Variants in PTGER3 observed in about 807,000 individuals in gnomAD.
The protein encoded by PTGER3 is prostaglandin E2 receptor EP3 subtype.
A neutral mutation model predicts 34.7 loss-of-function variants in PTGER3; 22 were observed. The ratio of observed to expected loss-of-function variants is 0.63; its 90% confidence interval spans 0.45 to 0.91. PTGER3 has a LOEUF of 0.91. Ranked by LOEUF, PTGER3 falls within the 40% of genes least tolerant of loss-of-function variation. The pLI, the probability that PTGER3 is intolerant of heterozygous loss-of-function variation, is 0.00. For synonymous variants in PTGER3, 241 were observed against 230.1 expected (o/e 1.05, Z -0.43); for missense variants, 468 against 519.4 (o/e 0.90, Z 0.96).
chr1:71,015,549 T>C (rs1313523943), intron 1 of PTGER3, among the ~76,000 whole-genome samples: 2 of 152,234 alleles, frequency 1.3e-5, no homozygotes, highest in African/African-American at 4.8e-5. Flanking sequence ...TTGAAGTAAG[T>C]AAATATTTGA....
intron 4 of PTGER3, among the ~76,000 whole-genome samples, chr1:70,942,717 G>T (rs1317838144): frequency 6.6e-6 from 1 of 152,142 alleles, no homozygotes; most frequent in Non-Finnish European, 1.5e-5. Flanking sequence ...TGCAGACAGG[G>T]CCTTTAAATA....
intron 2 of PTGER3, among the ~76,000 whole-genome samples, chr1:70,959,875 T>C (rs552209270): frequency 6.6e-6 from 1 of 152,216 alleles, no homozygotes; most frequent in East Asian, 1.9e-4. Context: ...CAAATTCATA[T>C]ATTGAAGTCC....
At chr1:70,985,269 T>C (rs1221943046) in intron 2 of PTGER3, among the ~76,000 whole-genome samples, 1 of 152,028 alleles carries the variant, frequency 6.6e-6, no homozygotes, top group Non-Finnish European at 1.5e-5. Flanking sequence ...ACCGCATGCG[T>C]GTGTGGACAT....
At chr1:70,903,439 A>G (rs1646881831) in intron 4 of PTGER3, among the ~76,000 whole-genome samples, 1 of 152,250 alleles carries the variant, frequency 6.6e-6, no homozygotes, top group South Asian at 2.1e-4. Context: ...AAATCTTTGT[A>G]CAGATAATTT....
At chr1:70,900,256 C>G (rs1395336149) in intron 4 of PTGER3, among the ~76,000 whole-genome samples, 1 of 152,168 alleles carries the variant, frequency 6.6e-6, no homozygotes, top group Admixed American at 6.5e-5. Flanking sequence ...GCAAAGCCCC[C>G]AGCTCCTATC....
At chr1:70,863,799 T>C (rs1242237884) in intron 4 of PTGER3, among the ~76,000 whole-genome samples, 6 of 151,928 alleles carry the variant, frequency 3.9e-5, no homozygotes, top group Admixed American at 2.6e-4. Flanking sequence ...ATAAAGAATG[T>C]GTGGAGAATA....
chr1:70,862,819 T>TA (rs1162894312), intron 4 of PTGER3, among the ~76,000 whole-genome samples: 1 of 152,156 alleles, frequency 6.6e-6, no homozygotes, highest in Non-Finnish European at 1.5e-5. Context: ...CAAGCAATTT[T>TA]ATGTAGTATC....
intron 4 of PTGER3, among the ~76,000 whole-genome samples, chr1:70,864,037 G>A (rs1645987954): frequency 6.6e-6 from 1 of 151,986 alleles, no homozygotes; most frequent in Admixed American, 6.6e-5. Flanking sequence ...ACAGAAATCG[G>A]GTAGCAGTTG....
At chr1:71,010,925 T>C (rs1247354370) in intron 2 of PTGER3, 1 of 984,986 alleles carries the variant, frequency 1.0e-6, no homozygotes, top group African/African-American at 1.7e-5. Context: ...ACAAGAAGTA[T>C]AAATAAATCT....
At chr1:70,990,386 C>CAT (rs34834591) in intron 2 of PTGER3, among the ~76,000 whole-genome samples, 11,149 of 130,990 alleles carry the variant, frequency 0.085, 541 homozygotes, top group Middle Eastern at 0.17. Context: ...CACACACACA[C>CAT]ATATATATAT....
chr1:71,014,928 G>T (rs759220012), intron 1 of PTGER3, among the ~76,000 whole-genome samples: 1 of 152,056 alleles, frequency 6.6e-6, no homozygotes, highest in Non-Finnish European at 1.5e-5. Flanking sequence ...ATTGTCCATC[G>T]AACAGAAATT....
At chr1:70,921,525 G>T (rs1047856816) in intron 4 of PTGER3, among the ~76,000 whole-genome samples, 3 of 152,088 alleles carry the variant, frequency 2.0e-5, no homozygotes, top group African/African-American at 4.8e-5. Flanking sequence ...GGGTCTTTCT[G>T]TATTGTTCTG....
chr1:70,951,942 C>T (rs7548299), downstream of PTGER3, among the ~76,000 whole-genome samples: 19,705 of 151,992 alleles, frequency 0.13, 1,971 homozygotes, highest in African/African-American at 0.27. Flanking sequence ...AAAAATGCTT[C>T]GAGAAAGTAC....
intron 4 of PTGER3, among the ~76,000 whole-genome samples, chr1:70,947,129 G>T (rs1650295547): frequency 6.6e-6 from 1 of 151,960 alleles, no homozygotes; most frequent in African/African-American, 2.4e-5. Flanking sequence ...TTACTCTCAG[G>T]GTCATTGTTA....
chr1:70,921,928 A>C (rs1647571927), intron 4 of PTGER3, among the ~76,000 whole-genome samples: 1 of 152,206 alleles, frequency 6.6e-6, no homozygotes, highest in Non-Finnish European at 1.5e-5. Flanking sequence ...TTTGTCAGAA[A>C]AGTAAAATGT....
chr1:70,866,867 G>T (rs1470909802), intron 4 of PTGER3, among the ~76,000 whole-genome samples: 1 of 152,104 alleles, frequency 6.6e-6, no homozygotes, highest in African/African-American at 2.4e-5. Flanking sequence ...CTTACTTCTG[G>T]ATCAGCTTCT....
At chr1:70,981,395 C>CTTT (rs1415614032) in intron 2 of PTGER3, among the ~76,000 whole-genome samples, 54 of 83,080 alleles carry the variant, frequency 6.5e-4, no homozygotes, top group East Asian at 1.5e-3. Context: ...TTCTTTCTTT[C>CTTT]CTTCCTTCCT....
At chr1:70,951,044 C>G (rs1016533151), downstream of PTGER3, 1 of 152,118 alleles carries the variant, frequency 6.6e-6, no homozygotes, top group Non-Finnish European at 1.5e-5. Flanking sequence ...AATTTGCTTC[C>G]TTTGTAAATG....
rs1656924700 is a variant in PTGER3 at position 71,006,000 on chromosome 1, C to T, written c.1077+6305G>A. 3 of 542,684 alleles carry T rather than the reference C, an allele frequency of 5.5e-6. No homozygotes were observed. The African/African-American group carries it at 6.1e-5, about 11-fold the overall frequency. 33.6% of individuals were successfully genotyped at this position (542,684 alleles called of 1,614,324 possible). On this transcript the variant is annotated intron_variant, in intron 2 of 3. Coordinates refer to ENST00000306666, the MANE Select transcript of PTGER3 (RefSeq NM_198719.2). ...GCACATCATCATCTCAAACATTTAT[C>T]ATTTCTTTGTGTTGGGAACATTCAA...
Sources: gnomAD v4.1 joint callset for allele counts (sites outside exome capture counted in the v4.1 genomes callset) on GRCh38, gnomAD v4.1.1 for gene constraint, MANE v1.5 for transcripts, NCBI Gene and HGNC (gene_info 2026-07-23, HGNC 2026-07-21) for gene names.